The following OGDHL variants were observed in gnomAD, a reference collection of about 807,000 sequenced individuals.
The protein encoded by OGDHL is oxoglutarate dehydrogenase L.
OGDHL carries 79 observed loss-of-function variants against 109.6 expected under a neutral mutation model. The observed-to-expected ratio is 0.72, with a 90% CI of 0.60 to 0.87. OGDHL has a LOEUF of 0.87. Among genes scored for constraint, OGDHL ranks in the 40% least tolerant of loss-of-function variants. The pLI is 0.00. For synonymous variants in OGDHL, 528 were observed against 537.2 expected, an observed-to-expected ratio of 0.98 and a Z score of 0.24; for missense variants, 1,275 against 1,362.2, an observed-to-expected ratio of 0.94 and a Z score of 1.01.
At chr10:49,738,579 C>T (rs1345147600) in intron 17 of OGDHL, 4 of 417,288 alleles carry the variant, frequency 9.6e-6, no homozygotes, top group Non-Finnish European at 1.8e-5. Context: ...ACCTGCTGTA[C>T]AGGAGGCAGA....
chr10:49,746,601 C>T, intron 10 of OGDHL, 149 bp downstream of exon 10: 2 of 1,047,714 alleles, frequency 1.9e-6, no homozygotes, highest in Non-Finnish European at 2.7e-6. Flanking sequence ...CAGACCAGGA[C>T]ACCAAGGCTG....
In OGDHL at chr10:49,744,005, T is replaced by G. The variant is rs200144529; in HGVS notation, c.1850A>C (p.Lys617Thr). 13 of 1,613,872 alleles carry G rather than the reference T, an allele frequency of 8.1e-6. No individual in the cohort carries two copies. In the East Asian group the frequency reaches 2.9e-4, roughly 36 times the overall value. ...TCCAGCAACCTCACCAGTGTGGATC[T>G]TAAAGTCCTCCAGGGGCACAGAGCT... is the stretch of plus-strand genomic sequence containing the variant. ...VASSVPLEDF[K>T]IHTGLSRILR... The change falls in exon 14 of 23, where the codon AAG (lysine) becomes ACG (threonine). Residue 617 changes from lysine (K) to threonine (T), a missense_variant. Lys to Thr is a moderately conservative substitution (Grantham distance 78, BLOSUM62 -1). Coordinates refer to ENST00000374103, the MANE Select transcript of OGDHL (RefSeq NM_018245.3).
rs746857411 is a variant in OGDHL at position 49,736,162 on chromosome 10, A to G, written c.2770T>C (p.Phe924Leu). Reference sequence around the variant, plus strand: ...TCTGCCTCCTGCTTGATCAGGTCGAAGGGGAATGGAGAGATCTGGGGAGGC... The same window carrying G: ...TCTGCCTCCTGCTTGATCAGGTCGAGGGGGAATGGAGAGATCTGGGGAGGC... Reference protein sequence around the residue: ...TRLEQISPFPFDLIKQEAEKY... With the variant: ...TRLEQISPFPLDLIKQEAEKY... Residue 924 changes from phenylalanine to leucine, a missense_variant, in exon 22 of 23, where the codon TTC becomes CTC. By Grantham distance (22) the Phe-to-Leu change is conservative. Transcript: ENST00000374103. 6 of 1,596,828 alleles carry G rather than the reference A, an allele frequency of 3.8e-6. No individual in the cohort carries two copies. Among genetic ancestry groups the G allele is most frequent in the Admixed American group, 1.7e-5 (1 of 58,156 alleles).
rs979728396 is a variant in OGDHL, at chr10:49,738,330, C to G, written c.2320-68G>C. 3 of 1,559,984 alleles carry G rather than the reference C, an allele frequency of 1.9e-6. No homozygotes were observed. In the African/African-American group the frequency reaches 4.1e-5, roughly 21 times the overall value. The stretch of plus-strand genomic sequence containing the variant: ...GGAAAGACATCTGGCCCTGCAGGGA[C>G]CCCAGGCTCAGGGGAAAGTCTGGAG... On this transcript the variant is annotated intron_variant, in intron 17 of 22. Coordinates refer to ENST00000374103, the MANE Select transcript of OGDHL (RefSeq NM_018245.3).
At position 49,745,475 on chromosome 10, in the gene OGDHL, G is replaced by A; in HGVS notation, c.1498C>T (p.His500Tyr). 1 of 1,613,998 alleles carries A rather than the reference G, an allele frequency of 6.2e-7. No individual in the cohort carries two copies. Among genetic ancestry groups the A allele is most frequent in the Non-Finnish European group, 8.5e-7 (1 of 1,180,030 alleles). Residue 500 changes from histidine to tyrosine, a missense_variant, in exon 12 of 23, where the codon CAC (histidine) becomes TAC (tyrosine). Coordinates refer to ENST00000374103, the MANE Select transcript of OGDHL (RefSeq NM_018245.3). ...VDLVCYRRRG[H>Y]NEMDEPMFTQ... ...AACATGGGCTCGTCCATCTCATTGT[G>A]GCCACGCCGGCGGTAACAGACCTGC...
chr10:49,737,223 G>A (rs963728100), intron 20 of OGDHL, among the ~76,000 whole-genome samples: 10 of 152,078 alleles, frequency 6.6e-5, no homozygotes, highest in Admixed American at 5.2e-4. Flanking sequence ...AAACACACAT[G>A]GGAGAAAATC....
chr10:49,742,976 G>A lies in OGDHL; in HGVS notation c.1864C>T (p.Leu622Phe). 6.2e-7 allele frequency: 1 copy of A among 1,612,642 alleles called. No individual in the cohort carries two copies. The highest frequency in any genetic ancestry group is 8.5e-7 in the Non-Finnish European group (1 of 1,179,910). Reference protein sequence around the residue: ...PLEDFKIHTGLSRILRGRADM... With the variant: ...PLEDFKIHTGFSRILRGRADM... ...GCACGGCCCCGCAGAATGCGAGAGA[G>A]GCCTGTGGGAAAGGAGTGCTGGCCT... Residue 622 changes from leucine to phenylalanine, a missense_variant and splice_region_variant, in exon 15 of 23, where the codon CTC becomes TTC. Coordinates refer to ENST00000374103, the MANE Select transcript of OGDHL (RefSeq NM_018245.3).
chr10:49,740,596 G>A (rs1841573285), intron 16 of OGDHL, 114 bp downstream of exon 16: 1 of 1,315,146 alleles, frequency 7.6e-7, no homozygotes, highest in South Asian at 1.6e-5. Flanking sequence ...CATCCCCTAA[G>A]GGCCTCTGAG....
intron 3 of OGDHL, among the ~76,000 whole-genome samples, chr10:49,754,510 C>T (rs76407073): frequency 0.012 from 1,823 of 152,172 alleles, 52 homozygotes; most frequent in African/African-American, 0.042. Flanking sequence ...AGTTAACAAA[C>T]GGAAGTTTCT....
At chr10:49,743,006 G>C in intron 14 of OGDHL, 28 bp from the exon 15 acceptor site, 2 of 1,607,458 alleles carry the variant, frequency 1.2e-6, no homozygotes. Flanking sequence ...TGGCCTGAGG[G>C]CCAAGGGACA....
At chr10:49,738,426 G>T in intron 17 of OGDHL, 164 bp from the exon 18 acceptor site, 1 of 666,200 alleles carries the variant, frequency 1.5e-6, no homozygotes, top group Non-Finnish European at 2.6e-6. Flanking sequence ...TGGAACAAGA[G>T]CAGAATGGGA....
chr10:49,749,584 C>A, intron 8 of OGDHL, 142 bp downstream of exon 8: 2 of 714,058 alleles, frequency 2.8e-6, no homozygotes, highest in Non-Finnish European at 4.5e-6. Context: ...AGGCAAACAC[C>A]CAGCCTCTCT....
intron 2 of OGDHL, 109 bp from the exon 3 acceptor site, chr10:49,757,055 T>G: frequency 9.4e-7 from 1 of 1,063,152 alleles, no homozygotes; most frequent in Non-Finnish European, 1.3e-6. Flanking sequence ...GGACCACAGC[T>G]CTCAGGGCCT....
In OGDHL at chr10:49,744,074, G is replaced by C. The variant is rs772696533; in HGVS notation, c.1781C>G (p.Thr594Arg). The C allele has an allele frequency of 6.2e-7, 1 of 1,614,096 alleles. No individual in the cohort carries two copies. The highest frequency in any genetic ancestry group is 2.2e-5 in the East Asian group (1 of 44,886). Residue 594 changes from threonine (T) to arginine (R), a missense_variant, in exon 14 of 23, where the codon ACG (threonine) becomes AGG (arginine). Thr to Arg is a moderately conservative substitution (Grantham distance 71). Coordinates refer to ENST00000374103, the MANE Select transcript of OGDHL (RefSeq NM_018245.3). ...GEPKSMTCPA[T>R]GIPEDMLTHI... ...GGTGAGCATGTCCTCAGGGATCCCCGTGGCTGGGCATGTCATGCTCTTGGG... is the reference window on the plus strand; with the variant it reads ...GGTGAGCATGTCCTCAGGGATCCCCCTGGCTGGGCATGTCATGCTCTTGGG...
At chr10:49,743,398 C>T (rs1223738751) in intron 14 of OGDHL, among the ~76,000 whole-genome samples, 2 of 152,120 alleles carry the variant, frequency 1.3e-5, no homozygotes, top group African/African-American at 4.8e-5. Context: ...CATTCGGTCT[C>T]GGTGCACACT....
At chr10:49,750,553 T>C (rs776047557) in intron 7 of OGDHL, among the ~76,000 whole-genome samples, 9 of 152,186 alleles carry the variant, frequency 5.9e-5, no homozygotes, top group African/African-American at 2.2e-4. Context: ...AGAAGTATAG[T>C]GTACCGCTTT....
Position 49,736,013 on chromosome 10 carries a change from C to T in OGDHL, c.2909+10G>A, listed in dbSNP as rs763650510. On this transcript the variant is annotated intron_variant, in intron 22 of 22. Transcript: ENST00000374103. ...CGAGGTGAGGGGCAATCAGCGGCCC[C>T]ACCATGTACCATATGGGCCGTGCGC... The T allele has an allele frequency of 2.1e-5, 32 of 1,554,682 alleles. No individual in the cohort carries two copies. Among genetic ancestry groups the T allele is most frequent in the Middle Eastern group, 3.5e-4 (2 of 5,722 alleles).
rs1368268876 is a variant in OGDHL, at chr10:49,745,916, C to T, written c.1358G>A (p.Arg453Gln). Reference protein sequence around the residue: ...RSSPYPTDVARVVNAPIFHVN... With the variant: ...RSSPYPTDVAQVVNAPIFHVN... ...ATGGAAGATAGGCGCATTGACCACC[C>T]GGGCCACGTCGGTCGGGTATGGTGA... Residue 453 changes from arginine to glutamine, a missense_variant, in exon 11 of 23, where the codon CGG becomes CAG. By Grantham distance (43) the Arg-to-Gln change is conservative (BLOSUM62 1). Coordinates refer to ENST00000374103, the MANE Select transcript of OGDHL (RefSeq NM_018245.3). The T allele has an allele frequency of 8.1e-6, 13 of 1,614,106 alleles. No individual in the cohort carries two copies. Among genetic ancestry groups the T allele is most frequent in the Admixed American group, 1.7e-5 (1 of 60,006 alleles).
chr10:49,744,079 T>G lies in OGDHL; in HGVS notation c.1776A>C (p.Pro592=). 2 of 1,614,116 alleles carry G rather than the reference T, an allele frequency of 1.2e-6. No homozygotes were observed. Among genetic ancestry groups the G allele is most frequent in the East Asian group, 4.5e-5 (2 of 44,890 alleles). The change falls in exon 14 of 23, where the codon CCA becomes CCC. Residue 592 remains proline (P), a synonymous_variant. Coordinates refer to ENST00000374103, the MANE Select transcript of OGDHL (RefSeq NM_018245.3). ...VDGEPKSMTC[P]ATGIPEDMLT... ...GCATGTCCTCAGGGATCCCCGTGGC[T>G]GGGCATGTCATGCTCTTGGGCTCCC... is the stretch of plus-strand genomic sequence containing the variant.
Sources: allele counts gnomAD v4.1 joint callset (sites outside exome capture counted in the v4.1 genomes callset), GRCh38; gene constraint gnomAD v4.1.1; transcripts MANE v1.5; gene names NCBI Gene and HGNC (gene_info 2026-07-23, HGNC 2026-07-21).